GPAT3: variants seen among roughly 807,000 people sequenced by gnomAD.
The protein encoded by GPAT3 is glycerol-3-phosphate acyltransferase 3.
In GPAT3, 53 loss-of-function variants were observed where a neutral mutation model predicts 58.8. The ratio of observed to expected loss-of-function variants is 0.90; its 90% CI spans 0.72 to 1.13. The LOEUF (loss-of-function observed/expected upper bound fraction) is 1.13. GPAT3 is among the 50% of genes most tolerant of loss of function. The pLI is 0.00. For missense variants in GPAT3, 511 were observed against 527.6 expected, an observed-to-expected ratio of 0.97 and a Z score of 0.31; for synonymous variants, 197 against 187.4, an observed-to-expected ratio of 1.05 and a Z score of -0.42.
rs561210616 is a variant in GPAT3, at chr4:83,588,450, T to C, written c.644+151T>C. ...ACTTCTCAGTGTGGCACAGGCATGA[T>C]GCACAAAAACACTAAATAGCAGTGT... On this transcript the variant is annotated intron_variant, in intron 5 of 11. Coordinates refer to ENST00000264409, the MANE Select transcript of GPAT3 (RefSeq NM_032717.5). The C allele has an allele frequency of 3.2e-4, 210 of 661,872 alleles. No homozygotes were observed. The African/African-American group carries it at 3.3e-3, about 10-fold the overall frequency. The allele number at this position is 661,872 out of a possible 1,614,324, so 41.0% of individuals were successfully genotyped here.
Position 83,551,813 on chromosome 4 carries a change from A to AAATCTATCTATCTATCT in GPAT3, c.208+7212_208+7213insATCTATCTATCTATCTA, listed in dbSNP as rs768726930. Among the ~76,000 whole-genome samples, 121 of 102,400 alleles carry AAATCTATCTATCTATCT rather than the reference A, an allele frequency of 1.2e-3. 1 individual carries two copies. The highest frequency in any genetic ancestry group is 2.8e-3 in the African/African-American group (61 of 21,502). 67.2% of individuals were successfully genotyped at this position (102,400 alleles called of 152,430 possible). ...TCTCGGAAAAAAAAAAAAAAAAAAA[A>AAATCTATCTATCTATCT]ATCTATCTATCTATCTATCTATCTA... On this transcript the variant is annotated intron_variant, in intron 2 of 11. Coordinates refer to ENST00000264409, the MANE Select transcript of GPAT3 (RefSeq NM_032717.5).
At chr4:83,583,667 GAAAAAA>G (rs749976752) in intron 3 of GPAT3, among the ~76,000 whole-genome samples, 24 of 23,472 alleles carry the variant, frequency 1.0e-3, no homozygotes, top group African/African-American at 3.8e-3. Context: ...ACTCTTGTCT[GAAAAAA>G]AAAAAAAAAA....
intron 2 of GPAT3, among the ~76,000 whole-genome samples, chr4:83,545,555 TAAC>T (rs559929893): frequency 1.2e-4 from 18 of 152,292 alleles, no homozygotes; most frequent in African/African-American, 4.1e-4. Flanking sequence ...GTTTTGGAAA[TAAC>T]AAAATATTTG....
intron 2 of GPAT3, among the ~76,000 whole-genome samples, chr4:83,553,464 T>G (rs1157153003): frequency 6.6e-6 from 1 of 152,196 alleles, no homozygotes; most frequent in Non-Finnish European, 1.5e-5. Context: ...GTTTTAAAAT[T>G]TTCTGTCTCT....
intron 2 of GPAT3, among the ~76,000 whole-genome samples, chr4:83,579,050 CTT>C (rs1725975145): frequency 9.7e-5 from 4 of 41,368 alleles, no homozygotes; most frequent in African/African-American, 5.2e-4. Flanking sequence ...TTCTTTCTTT[CTT>C]TCTTTCTTTC....
At chr4:83,566,308 G>A (rs1578176515) in intron 2 of GPAT3, among the ~76,000 whole-genome samples, 1 of 152,108 alleles carries the variant, frequency 6.6e-6, no homozygotes, top group African/African-American at 2.4e-5. Flanking sequence ...CAAAGTACTG[G>A]GATTATAGGC....
chr4:83,562,792 A>T (rs1476399057), intron 2 of GPAT3, among the ~76,000 whole-genome samples: 1 of 142,656 alleles, frequency 7.0e-6, no homozygotes, highest in African/African-American at 2.8e-5. Context: ...AGATAGAAAG[A>T]GATATAGATA....
rs1180159895 is a variant in GPAT3, at chr4:83,587,629, T to C, written c.554+300T>C. 3.3e-5 allele frequency among the ~76,000 whole-genome samples: 5 copies of C among 152,264 alleles called. No homozygotes were observed. In the East Asian group the frequency reaches 9.6e-4, roughly 29 times the overall value. On this transcript the variant is annotated intron_variant, in intron 4 of 11. Transcript: ENST00000264409. ...TTTTAGTAGAGACGGGGTTTCACCA[T>C]GTAGGCCAGGGGGGTCTCGAACTCC...
chr4:83,565,769 AGGGGACCGGAGCGTCGGAGGCTTGC>A, intron 2 of GPAT3, among the ~76,000 whole-genome samples: 1 of 152,366 alleles, frequency 6.6e-6, no homozygotes, highest in African/African-American at 2.4e-5. Flanking sequence ...AGGCGGGTCC[AGGGGACCGGAGCGTCGGAGGCTTGC>A]TCATGCCCCG....
At chr4:83,574,867 C>CTT (rs559690278) in intron 2 of GPAT3, among the ~76,000 whole-genome samples, 614 of 112,646 alleles carry the variant, frequency 5.5e-3, no homozygotes, top group East Asian at 8.9e-3. Flanking sequence ...ACATTTCTTT[C>CTT]TTTTTTTTTT....
At chr4:83,562,564 T>A (rs946729916) in intron 2 of GPAT3, among the ~76,000 whole-genome samples, 1 of 151,848 alleles carries the variant, frequency 6.6e-6, no homozygotes, top group Non-Finnish European at 1.5e-5. Context: ...CATATAATAA[T>A]GTGAGCCTGG....
rs192592780 is a variant in GPAT3, at chr4:83,579,049, T to C, written c.209-2513T>C. Among the ~76,000 whole-genome samples the C allele has an allele frequency of 6.9e-3, 280 of 40,436 alleles. 9 individuals are homozygous for C. The highest frequency in any genetic ancestry group is 0.023 in the African/African-American group (198 of 8,594). 26.5% of individuals were successfully genotyped at this position (40,436 alleles called of 152,430 possible). A position where few individuals can be genotyped will look rare whatever the true frequency, so the allele number is the denominator to read the frequency against. On this transcript the variant is annotated intron_variant, in intron 2 of 11. Transcript: ENST00000264409. ...TTCTTTCTTTCTTTCTTTCTTTCTT[T>C]CTTTCTTTCTTTCTTTCTTTCTTTC...
chr4:83,596,942 A>G (rs769218567), intron 8 of GPAT3, 29 bp downstream of exon 8: 2 of 1,582,332 alleles, frequency 1.3e-6, no homozygotes, highest in East Asian at 4.5e-5. Flanking sequence ...CCCGAGCTAT[A>G]GTTGATAACA....
chr4:83,597,971 G>C, intron 9 of GPAT3, 80 bp from the exon 10 acceptor site: 1 of 1,537,344 alleles, frequency 6.5e-7, no homozygotes. Flanking sequence ...AAGCTGTTTG[G>C]CCTACCACCT....
chr4:83,553,925 T>C (rs1724850581), intron 2 of GPAT3, among the ~76,000 whole-genome samples: 1 of 151,888 alleles, frequency 6.6e-6, no homozygotes, highest in African/African-American at 2.4e-5. Flanking sequence ...AATAAATTAT[T>C]TGAGAGGGAG....
chr4:83,574,522 C>T (rs537790900), intron 2 of GPAT3, among the ~76,000 whole-genome samples: 1 of 151,934 alleles, frequency 6.6e-6, no homozygotes, highest in South Asian at 2.1e-4. Context: ...TATCTTCATC[C>T]AAGCATGGAC....
intron 11 of GPAT3, 86 bp downstream of exon 11, chr4:83,598,809 C>T: frequency 2.2e-6 from 2 of 894,188 alleles, no homozygotes; most frequent in East Asian, 6.5e-5. Flanking sequence ...CACTCTTTTA[C>T]CCAGGCTGGA....
chr4:83,543,057 T>A (rs1480728988), intron 1 of GPAT3, among the ~76,000 whole-genome samples: 1 of 152,080 alleles, frequency 6.6e-6, no homozygotes, highest in East Asian at 1.9e-4. Context: ...TCCCAGCACT[T>A]TGGGAGGCTG....
Position 83,605,614 on chromosome 4 carries a change from C to T in GPAT3, c.*847C>T, listed in dbSNP as rs3822008. ...TGAGAGTGTGTGGAGCTACCCCTCA[C>T]CCTCCACCCCTTTGTGCTTTTTATT... On this transcript the variant is annotated 3_prime_UTR_variant, in exon 12 of 12. Transcript: ENST00000264409. 0.31 allele frequency: 46,646 copies of T among 152,030 alleles called. 7,277 individuals carry two copies. Among genetic ancestry groups the T allele is most frequent in the Middle Eastern group, 0.43 (125 of 292 alleles). 9.4% of individuals were successfully genotyped at this position (152,030 alleles called of 1,614,324 possible).
Sources: allele counts gnomAD v4.1 joint callset (sites outside exome capture counted in the v4.1 genomes callset), GRCh38; gene constraint gnomAD v4.1.1; transcripts MANE v1.5; gene names NCBI Gene and HGNC (gene_info 2026-07-23, HGNC 2026-07-21).